The following GPC5 variants were observed in gnomAD, a reference collection of about 807,000 sequenced individuals.
GPC5 encodes glypican 5, also known as glypican-5.
In GPC5, 47 loss-of-function variants were observed where a neutral mutation model predicts 53.9. The ratio of observed to expected loss-of-function variants is 0.87; its 90% CI spans 0.69 to 1.11. The LOEUF is 1.11. Among genes scored for constraint, GPC5 ranks in the 50% most tolerant of loss-of-function variants. The pLI is 0.00. For missense variants in GPC5, 748 were observed against 713.1 expected (o/e 1.05, Z -0.56); for synonymous variants, 286 against 263.3 (o/e 1.09, Z -0.84).
At chr13:91,967,456 G>A (rs1450097277) in intron 6 of GPC5, among the ~76,000 whole-genome samples, 2 of 151,918 alleles carry the variant, frequency 1.3e-5, no homozygotes, top group Non-Finnish European at 2.9e-5. Context: ...AAAATCATTA[G>A]AATATTAAAA....
chr13:92,295,320 A>C (rs1422356812), intron 7 of GPC5, among the ~76,000 whole-genome samples: 2 of 152,250 alleles, frequency 1.3e-5, no homozygotes, highest in South Asian at 2.1e-4. Flanking sequence ...ATGTATTTGC[A>C]TGGTTTTGAA....
chr13:92,603,971 A>G (rs570297516), intron 7 of GPC5, among the ~76,000 whole-genome samples: 13 of 152,316 alleles, frequency 8.5e-5, no homozygotes, highest in Middle Eastern at 3.4e-3. Context: ...TCGCATGAAT[A>G]TACTTAACAT....
At chr13:91,897,379 A>T (rs1282989031) in intron 5 of GPC5, among the ~76,000 whole-genome samples, 1 of 145,058 alleles carries the variant, frequency 6.9e-6, no homozygotes, top group Non-Finnish European at 1.5e-5. Context: ...GCGCCTGTGC[A>T]TGTGTATGCA....
chr13:92,330,870 G>T (rs1401165506), intron 7 of GPC5, among the ~76,000 whole-genome samples: 1 of 152,070 alleles, frequency 6.6e-6, no homozygotes, highest in Non-Finnish European at 1.5e-5. Flanking sequence ...TTCCATAGTG[G>T]CTTGCTCTTT....
At chr13:92,829,116 A>G (rs1441861095) in intron 7 of GPC5, among the ~76,000 whole-genome samples, 2 of 152,184 alleles carry the variant, frequency 1.3e-5, no homozygotes, top group South Asian at 2.1e-4. Flanking sequence ...GATGTAATGT[A>G]TGTCTACGCA....
At chr13:92,263,453 G>T (rs2042780111) in intron 7 of GPC5, among the ~76,000 whole-genome samples, 1 of 152,050 alleles carries the variant, frequency 6.6e-6, no homozygotes, top group Non-Finnish European at 1.5e-5. Context: ...GTATTTATTT[G>T]TATCACTTTT....
chr13:92,201,728 G>C (rs1593989877), intron 7 of GPC5, among the ~76,000 whole-genome samples: 1 of 152,194 alleles, frequency 6.6e-6, no homozygotes, highest in African/African-American at 2.4e-5. Flanking sequence ...AGAGACAAAA[G>C]AAATTAAAGA....
intron 7 of GPC5, among the ~76,000 whole-genome samples, chr13:92,483,788 C>CT (rs1359387618): frequency 0.042 from 5,989 of 144,210 alleles, 393 homozygotes; most frequent in African/African-American, 0.14. Context: ...TATCTAGTTT[C>CT]TTTTTTTTTT....
At chr13:92,104,056 C>G (rs555774348) in intron 6 of GPC5, among the ~76,000 whole-genome samples, 1 of 152,250 alleles carries the variant, frequency 6.6e-6, no homozygotes, top group East Asian at 1.9e-4. Flanking sequence ...GGGAAAAAGG[C>G]TATTTGCATT....
At chr13:92,190,098 A>G (rs2042213021) in intron 7 of GPC5, among the ~76,000 whole-genome samples, 1 of 152,172 alleles carries the variant, frequency 6.6e-6, no homozygotes, top group Admixed American at 6.5e-5. Context: ...TCTTGAAAGA[A>G]GCTTATAAAA....
chr13:92,384,444 T>G (rs758111122), intron 7 of GPC5, among the ~76,000 whole-genome samples: 2 of 151,890 alleles, frequency 1.3e-5, no homozygotes, highest in Non-Finnish European at 2.9e-5. Flanking sequence ...TTAGTTCTAT[T>G]AAGACACAGT....
chr13:92,408,894 T>C (rs1875920694), intron 7 of GPC5, among the ~76,000 whole-genome samples: 1 of 152,048 alleles, frequency 6.6e-6, no homozygotes, highest in Non-Finnish European at 1.5e-5. Flanking sequence ...GCCATATACA[T>C]GAATGAAAAT....
chr13:92,147,395 G>T (rs574869692), intron 7 of GPC5, among the ~76,000 whole-genome samples: 1 of 151,884 alleles, frequency 6.6e-6, no homozygotes, highest in Non-Finnish European at 1.5e-5. Flanking sequence ...GTGTGTGAGT[G>T]TGTGTGCATA....
intron 7 of GPC5, among the ~76,000 whole-genome samples, chr13:92,486,210 T>A (rs1472111393): frequency 6.6e-6 from 1 of 152,172 alleles, no homozygotes; most frequent in East Asian, 1.9e-4. Flanking sequence ...TGATAGCCCC[T>A]GACTTAATTA....
At chr13:91,405,936 T>C (rs1877291646) in intron 1 of GPC5, among the ~76,000 whole-genome samples, 1 of 152,156 alleles carries the variant, frequency 6.6e-6, no homozygotes, top group Non-Finnish European at 1.5e-5. Context: ...CATGCCCAGC[T>C]AATTTTTGTA....
At chr13:91,414,618 A>G (rs1313959465) in intron 1 of GPC5, among the ~76,000 whole-genome samples, 2 of 152,198 alleles carry the variant, frequency 1.3e-5, no homozygotes, top group African/African-American at 4.8e-5. Flanking sequence ...CAGATGGGCT[A>G]AAGCAATGAC....
chr13:91,571,264 A>C (rs184945283), intron 2 of GPC5, among the ~76,000 whole-genome samples: 184 of 152,218 alleles, frequency 1.2e-3, no homozygotes, highest in African/African-American at 4.0e-3. Context: ...TCTGATTTTA[A>C]CTCTTTGCTA....
chr13:92,049,468 A>C lies in GPC5; in HGVS notation c.1402-95362A>C, dbSNP rs2041009604. Among the ~76,000 whole-genome samples, 3 of 152,262 alleles carry C rather than the reference A, an allele frequency of 2.0e-5. No individual in the cohort carries two copies. In the South Asian group the frequency reaches 6.2e-4, roughly 32 times the overall value. On this transcript the variant is annotated intron_variant, in intron 6 of 7. Transcript: ENST00000377067. Reference sequence around the variant, plus strand: ...AGGCATTGGTAAAAATCTGAGCTCCAGATAAAAAGACACCAGGAAAGCAGA... The same window carrying C: ...AGGCATTGGTAAAAATCTGAGCTCCCGATAAAAAGACACCAGGAAAGCAGA...
intron 2 of GPC5, among the ~76,000 whole-genome samples, chr13:91,635,172 G>A (rs1487325016): frequency 6.6e-6 from 1 of 152,130 alleles, no homozygotes; most frequent in Non-Finnish European, 1.5e-5. Context: ...CTATTTTAAT[G>A]TTCTGTTAGG....
Sources: allele counts gnomAD v4.1 joint callset (sites outside exome capture counted in the v4.1 genomes callset), GRCh38; gene constraint gnomAD v4.1.1; transcripts MANE v1.5; gene names NCBI Gene and HGNC (gene_info 2026-07-23, HGNC 2026-07-21).